Variants in GUSB observed in about 807,000 individuals in gnomAD.
GUSB encodes the protein glucuronidase beta, also known as beta-glucuronidase.
In GUSB, 51 loss-of-function variants were observed where a neutral mutation model predicts 74.6. The ratio of observed to expected loss-of-function variants is 0.68; its 90% confidence interval spans 0.55 to 0.86. GUSB has a LOEUF of 0.86. Among genes scored for constraint, GUSB ranks in the 40% least tolerant of loss-of-function variants. GUSB has a pLI of 0.00. For synonymous variants in GUSB, 360 were observed against 348.3 expected, an observed-to-expected ratio of 1.03 and a Z score of -0.37; for missense variants, 736 against 853.7, an observed-to-expected ratio of 0.86 and a Z score of 1.72.
chr7:65,964,153 C>G, intron 11 of GUSB, 170 bp downstream of exon 11: 1 of 722,274 alleles, frequency 1.4e-6, no homozygotes, highest in Non-Finnish European at 2.5e-6. Flanking sequence ...TTCCTACTTC[C>G]TAAACACAAC....
chr7:65,976,266 C>T (rs1261188803), intron 4 of GUSB, 64 bp from the exon 5 acceptor site: 13 of 1,122,174 alleles, frequency 1.2e-5, no homozygotes, highest in African/African-American at 6.1e-5. Flanking sequence ...CAAACAGGAG[C>T]GCCCTGCAGC....
chr7:65,977,811 T>A (rs889441972), intron 4 of GUSB, among the ~76,000 whole-genome samples: 1 of 151,750 alleles, frequency 6.6e-6, no homozygotes, highest in African/African-American at 2.4e-5. Context: ...TATATATATT[T>A]TTTTATTTTT....
rs1468658771 is a variant in GUSB at position 65,974,176 on chromosome 7, G to A, written c.1391+119C>T. 5 of 899,524 alleles carry A rather than the reference G, an allele frequency of 5.6e-6. No individual in the cohort carries two copies. In the Admixed American group the frequency reaches 7.6e-5, roughly 14 times the overall value. The allele number at this position is 899,524 out of a possible 1,614,324, so 55.7% of individuals were successfully genotyped here. Reference sequence around the variant, plus strand: ...TGGTCCCCTGAACTATCTGGGTATGGACGGCCTTCCCATTGGGCTGGACAC... The same window carrying A: ...TGGTCCCCTGAACTATCTGGGTATGAACGGCCTTCCCATTGGGCTGGACAC... On this transcript the variant is annotated intron_variant, in intron 8 of 11. Transcript: ENST00000304895.
intron 9 of GUSB, 118 bp from the exon 10 acceptor site, chr7:65,968,025 G>C: frequency 3.6e-6 from 3 of 831,808 alleles, no homozygotes; most frequent in East Asian, 5.3e-5. Context: ...CAGCACTCTG[G>C]GAGGCTGAGG....
chr7:65,971,118 A>G (rs1791177688), intron 8 of GUSB, among the ~76,000 whole-genome samples: 1 of 152,166 alleles, frequency 6.6e-6, no homozygotes, highest in South Asian at 2.1e-4. Flanking sequence ...GGCAAAAATG[A>G]GGTTGACGCC....
Position 65,964,359 on chromosome 7 carries a change from G to A in GUSB, c.1753C>T (p.Leu585Phe). The A allele has an allele frequency of 1.9e-6, 3 of 1,611,902 alleles. No individual in the cohort carries two copies. The highest frequency in any genetic ancestry group is 1.3e-5 in the African/African-American group (1 of 74,962). ...ATGAAATCGGCAAAATTCCAAATGA[G>A]CTCTCCAACCACGTATTTTCTGCGT... is the stretch of plus-strand genomic sequence containing the variant. The part of the protein sequence containing the change: ...QKRRKYVVGE[L>F]IWNFADFMTE... The change falls in exon 11 of 12, where the codon CTC becomes TTC. Residue 585 changes from leucine to phenylalanine, a missense_variant. This residue lies in a region of GUSB where 368 missense variants were observed against 489.9 expected (regional missense o/e 0.75). Transcript: ENST00000304895.
chr7:65,975,458 C>A (rs1162166043), intron 5 of GUSB: 1 of 301,326 alleles, frequency 3.3e-6, no homozygotes, highest in Non-Finnish European at 6.5e-6. Flanking sequence ...GATCTCAGCT[C>A]ACTGCAGCCT....
rs1377855703 is a variant in GUSB at position 65,982,113 on chromosome 7, TGCAGCCCCAGCGC to T, written c.58_70del (p.Ala20ArgfsTer82). 1.9e-6 allele frequency: 3 copies of T among 1,583,262 alleles called. No homozygotes were observed. Among genetic ancestry groups the T allele is most frequent in the South Asian group, 1.1e-5 (1 of 87,864 alleles). ...CTCCTGGGGGTACAGCATCCCGCCC[TGCAGCCCCAGCGC>T]GCAGCCCCACAACAACGGCCCGAGC... On this transcript the variant is annotated frameshift_variant, in exon 1 of 12. Transcript: ENST00000304895. LOFTEE classifies it high-confidence loss of function.
At chr7:65,963,358 AGGCCT>A (rs1790624340) in intron 11 of GUSB, among the ~76,000 whole-genome samples, 2 of 152,110 alleles carry the variant, frequency 1.3e-5, no homozygotes, top group South Asian at 4.2e-4. Flanking sequence ...TACCTTTCAA[AGGCCT>A]GTCTTTCCCT....
rs553898945 is a variant in GUSB, at chr7:65,962,263, T to C, written c.1790-1200A>G. Among the ~76,000 whole-genome samples, 285 of 152,264 alleles carry C rather than the reference T, an allele frequency of 1.9e-3. 3 individuals carry two copies. Among genetic ancestry groups the C allele is most frequent in the African/African-American group, 6.7e-3 (278 of 41,548 alleles). On this transcript the variant is annotated intron_variant, in intron 11 of 11. Coordinates refer to ENST00000304895, the MANE Select transcript of GUSB (RefSeq NM_000181.4). ...CGTCCAGCTTGGCAGCACCCACCACTGGTGGTCATTAGGCCTGAGCTGAGC... is the reference window on the plus strand; with the variant it reads ...CGTCCAGCTTGGCAGCACCCACCACCGGTGGTCATTAGGCCTGAGCTGAGC...
Position 65,974,337 on chromosome 7 carries a change from T to A in GUSB, c.1349A>T (p.Asn450Ile). The change falls in exon 8 of 12, where the codon AAC (asparagine) becomes ATC (isoleucine). Residue 450 changes from asparagine (N) to isoleucine (I), a missense_variant. Physicochemically the swap from Asn to Ile is moderately radical, Grantham distance 149. This residue lies in a region of GUSB where 368 missense variants were observed against 489.9 expected (regional missense o/e 0.75). Transcript: ENST00000304895. ...HPAVVMWSVA[N>I]EPASHLESAG... ...AGATTCTAGGTGGGACGCAGGCTCG[T>A]TGGCCACAGACCACATCACGACCGC... is the stretch of plus-strand genomic sequence containing the variant. The A allele has an allele frequency of 1.2e-6, 2 of 1,614,178 alleles. No individual in the cohort carries two copies. Among genetic ancestry groups the A allele is most frequent in the Non-Finnish European group, 1.7e-6 (2 of 1,180,036 alleles).
Position 65,980,370 on chromosome 7 carries a change from T to C in GUSB, c.250A>G (p.Asn84Asp). ...AGACGCCAGTCCTGGCTGATGTCAT[T>C]GAAGCTGGAGGGAACTGGCATGTCC... ...TVDMPVPSSFNDISQDWRLRH... is the reference protein window; with the variant it reads ...TVDMPVPSSFDDISQDWRLRH... Residue 84 changes from asparagine to aspartate, a missense_variant, in exon 2 of 12, where the codon AAT becomes GAT. Asn to Asp is a conservative substitution (Grantham distance 23, BLOSUM62 1). This residue lies in a region of GUSB where 368 missense variants were observed against 363.8 expected (regional missense o/e 1.01). Coordinates refer to ENST00000304895, the MANE Select transcript of GUSB (RefSeq NM_000181.4). 6.2e-7 allele frequency: 1 copy of C among 1,613,836 alleles called. No individual in the cohort carries two copies. The highest frequency in any genetic ancestry group is 8.5e-7 in the Non-Finnish European group (1 of 1,179,920).
At chr7:65,978,348 T>C (rs1463217661) in intron 4 of GUSB, among the ~76,000 whole-genome samples, 1 of 151,998 alleles carries the variant, frequency 6.6e-6, no homozygotes, top group Non-Finnish European at 1.5e-5. Flanking sequence ...CTCAGGAGGC[T>C]GAGGCAAGAG....
At chr7:65,964,489 T>A in intron 10 of GUSB, 31 bp from the exon 11 acceptor site, 1 of 1,603,602 alleles carries the variant, frequency 6.2e-7, no homozygotes, top group South Asian at 1.1e-5. Context: ...AATGTAAGAG[T>A]CAGAACTGGC....
chr7:65,971,240 C>T (rs1317291501), intron 8 of GUSB, among the ~76,000 whole-genome samples: 3 of 152,176 alleles, frequency 2.0e-5, no homozygotes, highest in Admixed American at 6.6e-5. Flanking sequence ...GGGCTAGGTG[C>T]GAGGTGCTCA....
intron 11 of GUSB, among the ~76,000 whole-genome samples, chr7:65,963,448 G>C (rs1419428475): frequency 2.6e-5 from 4 of 152,052 alleles, no homozygotes; most frequent in African/African-American, 9.7e-5. Context: ...TCAGTTTATG[G>C]TAAGTCCATA....
intron 4 of GUSB, 129 bp from the exon 5 acceptor site, chr7:65,976,331 A>ATT (rs900925917): frequency 2.3e-4 from 128 of 561,286 alleles, no homozygotes; most frequent in Non-Finnish European, 2.6e-4. Flanking sequence ...TTAATTTCTT[A>ATT]TTTTTTTTTT....
chr7:65,978,174 G>A (rs952655619), intron 4 of GUSB, among the ~76,000 whole-genome samples: 6 of 152,260 alleles, frequency 3.9e-5, no homozygotes, highest in Non-Finnish European at 7.3e-5. Context: ...AATACAGACC[G>A]AGCGCTGTGG....
intron 1 of GUSB, 106 bp downstream of exon 1, chr7:65,981,868 C>G: frequency 9.8e-7 from 1 of 1,024,542 alleles, no homozygotes; most frequent in Non-Finnish European, 1.4e-6. Flanking sequence ...CTCCTGCGGG[C>G]CCCAGCTCGG....
Sources: gnomAD v4.1 joint callset for allele counts (sites outside exome capture counted in the v4.1 genomes callset) on GRCh38, gnomAD v4.1.1 for gene constraint, gnomAD v4.1.1 regional missense constraint, MANE v1.5 for transcripts, NCBI Gene and HGNC (gene_info 2026-07-23, HGNC 2026-07-21) for gene names.